Variants in MARCHF11 observed in about 807,000 individuals in gnomAD.
MARCHF11 encodes the protein E3 ubiquitin-protein ligase MARCHF11.
A neutral mutation model predicts 37.3 loss-of-function variants in MARCHF11; 29 were observed. That is an observed-to-expected ratio of 0.78 (90% CI 0.58 to 1.06). The LOEUF (loss-of-function observed/expected upper bound fraction) is 1.06, where lower values mean the gene tolerates loss of function less well. Ranked by LOEUF, MARCHF11 falls within the 50% of genes least tolerant of loss-of-function variation. The probability of loss-of-function intolerance (pLI) is 0.00; values close to 1 mark genes in which losing one functional copy is unlikely to be tolerated. For synonymous variants in MARCHF11, 233 were observed against 228.0 expected (o/e 1.02, Z -0.20); for missense variants, 482 against 533.4 (o/e 0.90, Z 0.95).
intron 2 of MARCHF11, among the ~76,000 whole-genome samples, chr5:16,112,074 G>A (rs934005271): frequency 1.3e-5 from 2 of 152,212 alleles, no homozygotes; most frequent in African/African-American, 4.8e-5. Flanking sequence ...GAAATTTGCT[G>A]CAGGAGTGTG....
At chr5:16,123,602 T>C (rs947125280) in intron 2 of MARCHF11, among the ~76,000 whole-genome samples, 2 of 152,210 alleles carry the variant, frequency 1.3e-5, no homozygotes, top group Non-Finnish European at 2.9e-5. Flanking sequence ...TTTTATTTTA[T>C]AGCTTGATTT....
chr5:16,134,996 T>TCA (rs1354664905), intron 2 of MARCHF11, among the ~76,000 whole-genome samples: 6 of 121,266 alleles, frequency 4.9e-5, no homozygotes, highest in East Asian at 5.9e-4. Flanking sequence ...TCTCTCTCTC[T>TCA]CTCACACACA....
At chr5:16,113,374 T>C (rs1419119243) in intron 2 of MARCHF11, among the ~76,000 whole-genome samples, 1 of 152,210 alleles carries the variant, frequency 6.6e-6, no homozygotes, top group African/African-American at 2.4e-5. Flanking sequence ...TATTGACTAG[T>C]GATCACACGA....
intron 2 of MARCHF11, among the ~76,000 whole-genome samples, chr5:16,100,936 TCTAA>T (rs577597068): frequency 6.6e-6 from 1 of 152,138 alleles, no homozygotes; most frequent in Non-Finnish European, 1.5e-5. Flanking sequence ...GAAGGTTATG[TCTAA>T]CTGAGAAAGA....
chr5:16,115,877 T>C (rs2126573628), intron 2 of MARCHF11, among the ~76,000 whole-genome samples: 2 of 152,336 alleles, frequency 1.3e-5, no homozygotes, highest in Middle Eastern at 3.4e-3. Flanking sequence ...TCCACCTGCC[T>C]CGGCCTCCCA....
intron 2 of MARCHF11, among the ~76,000 whole-genome samples, chr5:16,140,120 T>C (rs1004107064): frequency 1.3e-5 from 2 of 151,954 alleles, no homozygotes; most frequent in Non-Finnish European, 2.9e-5. Flanking sequence ...ACAGTGAAAA[T>C]AGAATGTCCT....
At chr5:16,117,889 T>C (rs771162369) in intron 2 of MARCHF11, among the ~76,000 whole-genome samples, 1 of 152,218 alleles carries the variant, frequency 6.6e-6, no homozygotes, top group Non-Finnish European at 1.5e-5. Context: ...GATGCAGTTA[T>C]TAAACCACAA....
intron 2 of MARCHF11, among the ~76,000 whole-genome samples, chr5:16,174,055 A>G (rs1429445981): frequency 6.6e-6 from 1 of 152,248 alleles, no homozygotes; most frequent in East Asian, 1.9e-4. Context: ...CATAAATGTT[A>G]TCTCTTCAAA....
chr5:16,172,162 G>C (rs1337235570), intron 2 of MARCHF11, among the ~76,000 whole-genome samples: 1 of 152,128 alleles, frequency 6.6e-6, no homozygotes, highest in Non-Finnish European at 1.5e-5. Context: ...CATGTAGTCT[G>C]TACAGTAAAT....
At chr5:16,099,826 T>A (rs1314647250) in intron 2 of MARCHF11, among the ~76,000 whole-genome samples, 4 of 152,180 alleles carry the variant, frequency 2.6e-5, no homozygotes, top group Admixed American at 6.5e-5. Flanking sequence ...TGACAAGAGA[T>A]CATCATTTCG....
chr5:16,138,041 AAC>A (rs1737636299), intron 2 of MARCHF11, among the ~76,000 whole-genome samples: 1 of 152,222 alleles, frequency 6.6e-6, no homozygotes, highest in African/African-American at 2.4e-5. Context: ...ATAGAAAAGA[AAC>A]ACCCATTTCT....
chr5:16,080,172 C>T (rs994368147), intron 3 of MARCHF11, among the ~76,000 whole-genome samples: 2 of 152,212 alleles, frequency 1.3e-5, no homozygotes, highest in Non-Finnish European at 2.9e-5. Flanking sequence ...CAATTCACTG[C>T]GGTCTCGCAT....
intron 2 of MARCHF11, among the ~76,000 whole-genome samples, chr5:16,143,681 C>T (rs1737755361): frequency 6.6e-6 from 1 of 152,196 alleles, no homozygotes; most frequent in Non-Finnish European, 1.5e-5. Flanking sequence ...CTGCCTAAAC[C>T]AGAGAGACTA....
intron 2 of MARCHF11, among the ~76,000 whole-genome samples, chr5:16,134,832 A>G (rs1560985218): frequency 1.3e-5 from 2 of 152,212 alleles, no homozygotes; most frequent in African/African-American, 4.8e-5. Context: ...AAAGCATAAT[A>G]CAAAGAGAAA....
intron 2 of MARCHF11, among the ~76,000 whole-genome samples, chr5:16,170,621 C>T (rs1738247997): frequency 1.3e-5 from 2 of 152,082 alleles, no homozygotes; most frequent in Admixed American, 6.6e-5. Context: ...GTTCTTGCCA[C>T]CTTACAAAAA....
At chr5:16,156,195 C>T (rs1026516578) in intron 2 of MARCHF11, among the ~76,000 whole-genome samples, 2 of 151,886 alleles carry the variant, frequency 1.3e-5, no homozygotes, top group Admixed American at 6.6e-5. Flanking sequence ...TGCGAGATCA[C>T]TTTGTTGACC....
At chr5:16,120,688 C>T (rs1040800809) in intron 2 of MARCHF11, among the ~76,000 whole-genome samples, 3 of 152,234 alleles carry the variant, frequency 2.0e-5, no homozygotes, top group African/African-American at 7.2e-5. Flanking sequence ...GAATCTATTT[C>T]CCCACCCCTT....
chr5:16,101,497 C>G (rs919347176), intron 2 of MARCHF11, among the ~76,000 whole-genome samples: 1 of 152,140 alleles, frequency 6.6e-6, no homozygotes, highest in African/African-American at 2.4e-5. Context: ...GGAAATCTTC[C>G]CCAAGTGTCA....
chr5:16,104,280 C>T (rs955734109), intron 2 of MARCHF11, among the ~76,000 whole-genome samples: 2 of 152,096 alleles, frequency 1.3e-5, no homozygotes, highest in Admixed American at 1.3e-4. Flanking sequence ...CCCCTTATCC[C>T]TCCTCCTCCA....
Sources: allele counts gnomAD v4.1 joint callset (sites outside exome capture counted in the v4.1 genomes callset), GRCh38; gene constraint gnomAD v4.1.1; transcripts MANE v1.5; gene names NCBI Gene and HGNC (gene_info 2026-07-23, HGNC 2026-07-21).